The following AP1G2 variants were observed in gnomAD, a reference collection of about 807,000 sequenced individuals.
AP1G2 encodes AP-1 complex subunit gamma-like 2.
In AP1G2, 85 loss-of-function variants were observed where a neutral mutation model predicts 95.8. That is an observed-to-expected ratio of 0.89 (90% confidence interval 0.74 to 1.06). The LOEUF (loss-of-function observed/expected upper bound fraction) is 1.06, where lower values mean the gene tolerates loss of function less well. Among genes scored for constraint, AP1G2 ranks in the 50% least tolerant of loss-of-function variants. The pLI, the probability that AP1G2 is intolerant of heterozygous loss-of-function variation, is 0.00. For synonymous variants in AP1G2, 378 were observed against 400.0 expected (o/e 0.94, Z 0.66); for missense variants, 967 against 1,005.8 (o/e 0.96, Z 0.52).
At chr14:23,561,212 T>C in intron 19 of AP1G2, 84 bp downstream of exon 19, 1 of 1,485,330 alleles carries the variant, frequency 6.7e-7, no homozygotes, top group South Asian at 1.5e-5. Context: ...GCAGGGTCCA[T>C]GAGCCTCAGC....
chr14:23,559,654 G>A lies in AP1G2; in HGVS notation c.*95C>T, dbSNP rs1272544744. 5 of 1,118,918 alleles carry A rather than the reference G, an allele frequency of 4.5e-6. No homozygotes were observed. Among genetic ancestry groups the A allele is most frequent in the South Asian group, 3.9e-5 (3 of 76,090 alleles). 69.3% of individuals were successfully genotyped at this position (1,118,918 alleles called of 1,614,324 possible). The stretch of plus-strand genomic sequence containing the variant: ...AGTTTTTGCAGTGCAAAGCCAGAGC[G>A]CCACCTGCTGGTAGCCCTCAGGTGT... On this transcript the variant is annotated 3_prime_UTR_variant, in exon 22 of 22. Transcript: ENST00000397120.
rs1356801894 is a variant in AP1G2 at position 23,563,846 on chromosome 14, C to T, written c.1102G>A (p.Glu368Lys). ...CTATTTACCAGAGCCAGGCTTAGTTCCAGGGCTCTCCTGGCAGGAGAAAGA... is the reference window on the plus strand; with the variant it reads ...CTATTTACCAGAGCCAGGCTTAGTTTCAGGGCTCTCCTGGCAGGAGAAAGA... ...TDASLSRRAL[E>K]LSLALVNSSN... The change falls in exon 12 of 22, where the codon GAA (glutamate) becomes AAA (lysine). Residue 368 changes from glutamate to lysine, a missense_variant. Transcript: ENST00000397120. The T allele has an allele frequency of 1.2e-6, 2 of 1,613,788 alleles. No homozygotes were observed. The highest frequency in any genetic ancestry group is 1.3e-5 in the African/African-American group (1 of 75,044).
rs763045950 is a variant in AP1G2, at chr14:23,567,171, G to A, written c.144C>T (p.His48=). 26 of 1,613,088 alleles carry A rather than the reference G, an allele frequency of 1.6e-5. No homozygotes were observed. The Admixed American group carries it at 2.5e-4, about 16-fold the overall frequency. ...CGTAGAGCAGTTTGGCCAGCTGCCG[G>A]TGCCTGTGCACTGGGTCCCCGTCGC... ...SFRDGDPVHR[H]RQLAKLLYVH... is the part of the protein sequence containing the mutation. The change falls in exon 2 of 22, where the codon CAC becomes CAT. Residue 48 remains histidine, a synonymous_variant. Coordinates refer to ENST00000397120, the MANE Select transcript of AP1G2 (RefSeq NM_003917.5). This position sits in a 1 kb window ranked among gnomAD's most constrained non-coding sequence, Gnocchi z 5.3.
intron 4 of AP1G2, 48 bp downstream of exon 4, chr14:23,566,230 G>A (rs370611976): frequency 2.4e-5 from 39 of 1,608,378 alleles, no homozygotes; most frequent in African/African-American, 2.7e-5. Flanking sequence ...TATATAGCAC[G>A]CAGCAGGCAG....
chr14:23,563,250 A>G (rs2139212697), intron 14 of AP1G2, 130 bp downstream of exon 14: 2 of 1,468,330 alleles, frequency 1.4e-6, no homozygotes, highest in East Asian at 2.5e-5. Flanking sequence ...CTCTGTGCTC[A>G]GATGTCTTCT....
intron 17 of AP1G2, 117 bp downstream of exon 17, chr14:23,561,845 G>A: frequency 6.8e-7 from 1 of 1,475,946 alleles, no homozygotes; most frequent in Non-Finnish European, 9.0e-7. Context: ...TGGGTGGGAA[G>A]CTCTCACCGT....
intron 2 of AP1G2, 186 bp from the exon 3 acceptor site, chr14:23,566,872 G>A: frequency 1.0e-6 from 1 of 970,596 alleles, no homozygotes; most frequent in South Asian, 1.7e-5. Flanking sequence ...AGGAGTTGAG[G>A]AGGATGGGAG....
chr14:23,565,690 C>A lies in AP1G2; in HGVS notation c.657G>T (p.Gln219His). 1 of 1,613,998 alleles carries A rather than the reference C, an allele frequency of 6.2e-7. No individual in the cohort carries two copies. The highest frequency in any genetic ancestry group is 8.5e-7 in the Non-Finnish European group (1 of 1,179,846). ...CCAGAGTCCGGAGGATGTGTACCAGCTGGGGTACCACCTGGAGGGAGGGCA... is the reference window on the plus strand; with the variant it reads ...CCAGAGTCCGGAGGATGTGTACCAGATGGGGTACCACCTGGAGGGAGGGCA... ...ALRHFRKVVP[Q>H]LVHILRTLVT... The change falls in exon 7 of 22, where the codon CAG becomes CAT. Residue 219 changes from glutamine (Q) to histidine (H), a missense_variant. Coordinates refer to ENST00000397120, the MANE Select transcript of AP1G2 (RefSeq NM_003917.5).
Position 23,561,348 on chromosome 14 carries a change from TG to T in AP1G2, c.1940del (p.Pro647GlnfsTer34). On this transcript the variant is annotated frameshift_variant, in exon 19 of 22. Transcript: ENST00000397120. LOFTEE classifies it high-confidence loss of function. The stretch of plus-strand genomic sequence containing the variant: ...CAAGCAGGTGTACCAGGGCACCTCC[TG>T]GGGAGGGGTCCAGATGGGGAGGATG... ...VQHPPHLDPS[P>X]GGALVHLLDL... 6.3e-7 allele frequency: 1 copy of T among 1,586,658 alleles called. No homozygotes were observed. The highest frequency in any genetic ancestry group is 8.6e-7 in the Non-Finnish European group (1 of 1,164,902).
chr14:23,561,271 A>C, intron 19 of AP1G2, 25 bp downstream of exon 19: 5 of 1,518,516 alleles, frequency 3.3e-6, no homozygotes, highest in Non-Finnish European at 4.4e-6. Context: ...CTTCTCTAAG[A>C]CATCTTCCCT....
chr14:23,567,042 TGA>T lies in AP1G2; in HGVS notation c.204+67_204+68del. 1 of 1,492,366 alleles carries T rather than the reference TGA, an allele frequency of 6.7e-7. No individual in the cohort carries two copies. Among genetic ancestry groups the T allele is most frequent in the Non-Finnish European group, 9.1e-7 (1 of 1,101,450 alleles). 92.4% of individuals were successfully genotyped at this position (1,492,366 alleles called of 1,614,324 possible). On this transcript the variant is annotated intron_variant, in intron 2 of 21. Transcript: ENST00000397120. This position sits in a 1 kb window ranked among gnomAD's most constrained non-coding sequence, Gnocchi z 5.3. The stretch of plus-strand genomic sequence containing the variant: ...TTTAAAAAACCAGGGCATAAACAGG[TGA>T]GAGAGTCTGGGACTCTGCCCCACTA...
Position 23,563,510 on chromosome 14 carries a change from G to A in AP1G2, c.1288-8C>T. ...CCGCACATGGGTGCCCGCCTGGAAG[G>A]TGTGGGCATGGCCAAGTCAGTGTGG... is the stretch of plus-strand genomic sequence containing the variant. On this transcript the variant is annotated splice_polypyrimidine_tract_variant and splice_region_variant and intron_variant, in intron 13 of 21. Transcript: ENST00000397120. 6.2e-7 allele frequency: 1 copy of A among 1,614,198 alleles called. No homozygotes were observed. The highest frequency in any genetic ancestry group is 8.5e-7 in the Non-Finnish European group (1 of 1,180,012).
intron 11 of AP1G2, 88 bp downstream of exon 11, chr14:23,563,958 C>A (rs773152801): frequency 4.4e-6 from 7 of 1,602,756 alleles, no homozygotes; most frequent in Non-Finnish European, 6.0e-6. Flanking sequence ...AGTCCCCTTA[C>A]TCCAGCTGCT....
At position 23,562,525 on chromosome 14, in the gene AP1G2, G is replaced by T; in HGVS notation, c.1479C>A (p.Cys493Ter). ...TCACCTGAAGGGGCTCAATCTCCTC[G>T]CAGTTCCCTGCCAGCAGGAGGTCCC... Reference protein sequence around the residue: ...EYGDLLLAGNCEEIEPLQVDE... With the variant: ...EYGDLLLAGN Residue 493 changes from cysteine to a stop codon, truncating the protein, a stop_gained, in exon 15 of 22, where the codon TGC becomes TGA. Coordinates refer to ENST00000397120, the MANE Select transcript of AP1G2 (RefSeq NM_003917.5). LOFTEE classifies it high-confidence loss of function. 6.2e-7 allele frequency: 1 copy of T among 1,614,164 alleles called. No homozygotes were observed. Among genetic ancestry groups the T allele is most frequent in the Non-Finnish European group, 8.5e-7 (1 of 1,180,018 alleles).
At position 23,567,003 on chromosome 14, in the gene AP1G2, C is replaced by G; in HGVS notation, c.204+108G>C. ...GTTTGCAGTGCAGGCTGTGAAGACTCTGAAATTGTAGAATTTAAAAAACCA... is the reference window on the plus strand; with the variant it reads ...GTTTGCAGTGCAGGCTGTGAAGACTGTGAAATTGTAGAATTTAAAAAACCA... On this transcript the variant is annotated intron_variant, in intron 2 of 21. Coordinates refer to ENST00000397120, the MANE Select transcript of AP1G2 (RefSeq NM_003917.5). The surrounding 1 kb of genome is among the most constrained non-coding windows in gnomAD (Gnocchi z 5.3). 8.0e-7 allele frequency: 1 copy of G among 1,246,118 alleles called. No individual in the cohort carries two copies. Among genetic ancestry groups the G allele is most frequent in the Non-Finnish European group, 1.1e-6 (1 of 912,098 alleles). 77.2% of individuals were successfully genotyped at this position (1,246,118 alleles called of 1,614,324 possible).
Position 23,567,103 on chromosome 14 carries a change from G to A in AP1G2, c.204+8C>T. On this transcript the variant is annotated splice_region_variant and intron_variant, in intron 2 of 21. Transcript: ENST00000397120. This position sits in a 1 kb window ranked among gnomAD's most constrained non-coding sequence, Gnocchi z 5.3. The stretch of plus-strand genomic sequence containing the variant: ...CAAGCTCAGGAGGGAGGTATTCCTG[G>A]CCAGTACCTGTCCAAAGTGGGCGGG... The A allele has an allele frequency of 6.2e-7, 1 of 1,607,976 alleles. No homozygotes were observed. The highest frequency in any genetic ancestry group is 1.3e-5 in the African/African-American group (1 of 74,806).
Position 23,562,354 on chromosome 14 carries a change from G to A in AP1G2, c.1562C>T (p.Pro521Leu). 1 of 1,614,196 alleles carries A rather than the reference G, an allele frequency of 6.2e-7. No individual in the cohort carries two copies. The highest frequency in any genetic ancestry group is 8.5e-7 in the Non-Finnish European group (1 of 1,180,012). ...TGTGAGGGCATATCCTCGAGTGGCTGGCAGGGACATGTGGGACTGCAGCAC... is the reference window on the plus strand; with the variant it reads ...TGTGAGGGCATATCCTCGAGTGGCTAGCAGGGACATGTGGGACTGCAGCAC... ...EKVLQSHMSL[P>L]ATRGYALTAL... The change falls in exon 16 of 22, where the codon CCA becomes CTA. Residue 521 changes from proline (P) to leucine (L), a missense_variant. Transcript: ENST00000397120.
chr14:23,562,260 C>T (rs2139161731), intron 16 of AP1G2, 28 bp downstream of exon 16: 2 of 1,612,556 alleles, frequency 1.2e-6, no homozygotes, highest in Non-Finnish European at 1.7e-6. Flanking sequence ...GACAGGCCAT[C>T]TCTCAAGGGG....
rs773770477 is a variant in AP1G2 at position 23,562,044 on chromosome 14, T to G, written c.1651A>C (p.Ile551Leu). Residue 551 changes from isoleucine (I) to leucine (L), a missense_variant, in exon 17 of 22, where the codon ATC becomes CTC. Ile to Leu is a conservative substitution (Grantham distance 5, BLOSUM62 2). Transcript: ENST00000397120. Reference sequence around the variant, plus strand: ...TCCACGTCCAAGCAGCTCCCGTAGATGGACACCACCTGGCGGATGCGGCTG... The same window carrying G: ...TCCACGTCCAAGCAGCTCCCGTAGAGGGACACCACCTGGCGGATGCGGCTG... ...DNNRIRQVVSIYGSCLDVELQ... is the reference protein window; with the variant it reads ...DNNRIRQVVSLYGSCLDVELQ... The G allele has an allele frequency of 1.2e-6, 2 of 1,613,798 alleles. No homozygotes were observed. The highest frequency in any genetic ancestry group is 2.2e-5 in the South Asian group (2 of 91,024).
Sources: allele counts gnomAD v4.1 joint callset, GRCh38; gene constraint gnomAD v4.1.1; non-coding constraint Gnocchi (gnomAD v3.1); transcripts MANE v1.5; gene names NCBI Gene and HGNC (gene_info 2026-07-23, HGNC 2026-07-21).